The following PKP4 variants were observed in gnomAD, a reference collection of about 807,000 sequenced individuals.
PKP4 encodes plakophilin-4.
In PKP4, 90 loss-of-function variants were observed where a neutral mutation model predicts 145.1. The ratio of observed to expected loss-of-function variants is 0.62; its 90% confidence interval spans 0.52 to 0.74. PKP4 has a LOEUF of 0.74. Among genes scored for constraint, PKP4 ranks in the 30% least tolerant of loss-of-function variants. The pLI, the probability that PKP4 is intolerant of heterozygous loss-of-function variation, is 0.00. For missense variants in PKP4, 1,340 were observed against 1,482.7 expected (o/e 0.90, Z 1.58); for synonymous variants, 563 against 577.2 (o/e 0.98, Z 0.35).
At position 158,642,790 on chromosome 2, in the gene PKP4, G is replaced by A. The variant is rs2301987; in HGVS notation, c.1909+91G>A. 0.019 allele frequency: 17,166 copies of A among 892,264 alleles called. 865 individuals are homozygous for A. The highest frequency in any genetic ancestry group is 0.19 in the East Asian group (7,417 of 40,084). The allele number at this position is 892,264 out of a possible 1,614,324, so 55.3% of individuals were successfully genotyped here. On this transcript the variant is annotated intron_variant, in intron 11 of 21. Coordinates refer to ENST00000389759, the MANE Select transcript of PKP4 (RefSeq NM_003628.6). The stretch of plus-strand genomic sequence containing the variant: ...TAGTGGCACTATGGAAGAGTTGGAG[G>A]TTCCAGGTAATAGATAATGAGATAT...
intron 1 of PKP4, among the ~76,000 whole-genome samples, chr2:158,526,598 C>T (rs1424410089): frequency 4.4e-5 from 4 of 91,704 alleles, no homozygotes; most frequent in Non-Finnish European, 8.4e-5. Context: ...CCTCTCTCAC[C>T]GCTCCTATTC....
intron 2 of PKP4, 100 bp downstream of exon 2, chr2:158,533,416 C>A: frequency 7.3e-7 from 1 of 1,372,496 alleles, no homozygotes; most frequent in Non-Finnish European, 1.0e-6. Flanking sequence ...TCCTTGACGC[C>A]TTCACGTTTT....
At chr2:158,568,835 T>C (rs927040387) in intron 2 of PKP4, among the ~76,000 whole-genome samples, 1 of 152,060 alleles carries the variant, frequency 6.6e-6, no homozygotes, top group African/African-American at 2.4e-5. Flanking sequence ...TAGCCAGGCT[T>C]GGTGGCACAT....
intron 1 of PKP4, among the ~76,000 whole-genome samples, chr2:158,504,773 A>C (rs1305675654): frequency 6.6e-6 from 1 of 152,246 alleles, no homozygotes; most frequent in Non-Finnish European, 1.5e-5. Context: ...AGGAATTTCC[A>C]ATACTCTGTT....
chr2:158,620,874 A>G (rs2052161760), intron 4 of PKP4, 116 bp from the exon 5 acceptor site: 3 of 795,922 alleles, frequency 3.8e-6, no homozygotes. Flanking sequence ...GCTGAAAATA[A>G]TAGCCTTGTA....
At chr2:158,479,297 C>T (rs1692982946) in intron 1 of PKP4, among the ~76,000 whole-genome samples, 2 of 151,846 alleles carry the variant, frequency 1.3e-5, no homozygotes, top group Admixed American at 1.3e-4. Flanking sequence ...AATCTTGGCC[C>T]ACTGCAGCCT....
intron 9 of PKP4, among the ~76,000 whole-genome samples, chr2:158,638,161 C>A (rs1224400693): frequency 6.6e-6 from 1 of 152,104 alleles, no homozygotes; most frequent in Non-Finnish European, 1.5e-5. Flanking sequence ...TTCTGAGAAA[C>A]GATTGATAAC....
intron 3 of PKP4, among the ~76,000 whole-genome samples, chr2:158,602,745 G>A (rs894744224): frequency 4.0e-5 from 6 of 151,890 alleles, no homozygotes; most frequent in African/African-American, 1.2e-4. Context: ...TATATGATAC[G>A]TATGTGGTTT....
intron 2 of PKP4, among the ~76,000 whole-genome samples, chr2:158,545,072 A>ATTTTT (rs1559302413): frequency 2.8e-5 from 1 of 35,702 alleles, no homozygotes; most frequent in African/African-American, 1.0e-4. Context: ...TAAGTCTTTC[A>ATTTTT]CTTTTTTTTT....
intron 1 of PKP4, among the ~76,000 whole-genome samples, chr2:158,498,400 C>G (rs1257138193): frequency 6.6e-6 from 1 of 152,158 alleles, no homozygotes; most frequent in East Asian, 1.9e-4. Context: ...CCACTACATT[C>G]TCATGATGGA....
At chr2:158,478,979 C>T (rs1256811996) in intron 1 of PKP4, among the ~76,000 whole-genome samples, 1 of 152,098 alleles carries the variant, frequency 6.6e-6, no homozygotes, top group Non-Finnish European at 1.5e-5. Flanking sequence ...CACATTTTCC[C>T]CAGTATTGGA....
chr2:158,649,057 G>C (rs1293628803), intron 11 of PKP4, among the ~76,000 whole-genome samples: 1 of 152,122 alleles, frequency 6.6e-6, no homozygotes, highest in African/African-American at 2.4e-5. Flanking sequence ...TTCAAACCCT[G>C]AAAATGTGTA....
intron 2 of PKP4, among the ~76,000 whole-genome samples, chr2:158,552,011 T>C (rs1192546401): frequency 6.6e-6 from 1 of 152,214 alleles, no homozygotes; most frequent in Non-Finnish European, 1.5e-5. Context: ...ATTTCAAAAC[T>C]TTATGGGTGT....
chr2:158,503,717 G>C (rs1696908857), intron 1 of PKP4, among the ~76,000 whole-genome samples: 1 of 152,076 alleles, frequency 6.6e-6, no homozygotes, highest in Non-Finnish European at 1.5e-5. Context: ...CACCCAAACT[G>C]CCTTTTTGTC....
At chr2:158,563,895 T>G (rs1197516427) in intron 2 of PKP4, among the ~76,000 whole-genome samples, 2 of 152,156 alleles carry the variant, frequency 1.3e-5, no homozygotes, top group Non-Finnish European at 2.9e-5. Context: ...TAGCATACTT[T>G]AATGGCTTCA....
intron 19 of PKP4, 48 bp from the exon 20 acceptor site, chr2:158,676,691 A>G: frequency 1.2e-6 from 2 of 1,610,966 alleles, no homozygotes; most frequent in Non-Finnish European, 1.7e-6. Flanking sequence ...ACTGATGCTG[A>G]TTTCTCTTTC....
rs1691247055 is a variant in PKP4, at chr2:158,469,696, G to C, written c.-6+12478G>C. Among the ~76,000 whole-genome samples the C allele has an allele frequency of 4.6e-5, 7 of 152,272 alleles. 1 individual carries two copies. In the South Asian group the frequency reaches 1.5e-3, roughly 32 times the overall value. ...TTCAGTCTTCCAGAATCCTAGCTGA[G>C]AAGGTAAGTGTTGACTGTACAATCA... is the stretch of plus-strand genomic sequence containing the variant. On this transcript the variant is annotated intron_variant, in intron 1 of 21. Transcript: ENST00000389759.
At chr2:158,609,527 T>C (rs2050948567) in intron 4 of PKP4, among the ~76,000 whole-genome samples, 1 of 152,242 alleles carries the variant, frequency 6.6e-6, no homozygotes, top group African/African-American at 2.4e-5. Flanking sequence ...ACCTTTTTTC[T>C]TAAGTTTTAC....
chr2:158,521,968 TATTA>T (rs975953942), intron 1 of PKP4, among the ~76,000 whole-genome samples: 1 of 152,212 alleles, frequency 6.6e-6, no homozygotes, highest in African/African-American at 2.4e-5. Flanking sequence ...CTTTATTTTT[TATTA>T]ATTTGTTCTT....
Sources: gnomAD v4.1 joint callset for allele counts (sites outside exome capture counted in the v4.1 genomes callset) on GRCh38, gnomAD v4.1.1 for gene constraint, MANE v1.5 for transcripts, NCBI Gene and HGNC (gene_info 2026-07-23, HGNC 2026-07-21) for gene names.